The following BACH2 variants were observed in gnomAD, a reference collection of about 807,000 sequenced individuals.
BACH2 encodes the protein BACH transcriptional regulator 2.
A neutral mutation model predicts 61.8 loss-of-function variants in BACH2; 5 were observed. The observed-to-expected ratio is 0.08, with a 90% CI of 0.04 to 0.17. BACH2 has a LOEUF of 0.17. Among genes scored for constraint, BACH2 ranks in the 10% least tolerant of loss-of-function variants. The pLI, the probability that BACH2 is intolerant of heterozygous loss-of-function variation, is 1.00. For missense variants in BACH2, 824 were observed against 1,091.1 expected, an observed-to-expected ratio of 0.76 and a Z score of 3.45; for synonymous variants, 446 against 440.1, an observed-to-expected ratio of 1.01 and a Z score of -0.17.
At chr6:90,134,310 A>T (rs1295005033) in intron 4 of BACH2, among the ~76,000 whole-genome samples, 1 of 152,234 alleles carries the variant, frequency 6.6e-6, no homozygotes, top group Non-Finnish European at 1.5e-5. Flanking sequence ...CTTCAAACAC[A>T]TGACTTCGCT....
chr6:90,122,553 A>G (rs138252062), intron 4 of BACH2, among the ~76,000 whole-genome samples: 3 of 152,196 alleles, frequency 2.0e-5, no homozygotes, highest in Non-Finnish European at 4.4e-5. Flanking sequence ...TCAAAGTCCA[A>G]CTGAACACAA....
intron 4 of BACH2, among the ~76,000 whole-genome samples, chr6:90,197,220 C>T (rs904061580): frequency 2.6e-5 from 4 of 152,068 alleles, no homozygotes; most frequent in Non-Finnish European, 4.4e-5. Context: ...CGTTATAAGG[C>T]CTCTGTATCA....
At chr6:89,965,068 G>A (rs141619848) in intron 6 of BACH2, among the ~76,000 whole-genome samples, 20 of 152,190 alleles carry the variant, frequency 1.3e-4, no homozygotes, top group Non-Finnish European at 2.5e-4. Context: ...TGTATTTTTA[G>A]TAGAGAAGGG....
At chr6:90,072,341 C>T (rs925789962) in intron 5 of BACH2, among the ~76,000 whole-genome samples, 6 of 152,182 alleles carry the variant, frequency 3.9e-5, no homozygotes, top group Non-Finnish European at 8.8e-5. Flanking sequence ...CCAAAGGTCA[C>T]TCAGGGCCAC....
rs12664160 is a variant in BACH2 at position 89,971,382 on chromosome 6, G to A, written c.244-19520C>T. Among the ~76,000 whole-genome samples the A allele has an allele frequency of 2.2e-3, 328 of 152,266 alleles. 11 individuals carry two copies. The East Asian group carries it at 0.058, about 27-fold the overall frequency. On this transcript the variant is annotated intron_variant, in intron 6 of 8. Transcript: ENST00000257749. Reference sequence around the variant, plus strand: ...ATACAAATCACCTTATCCCTTTAACGAATGCATACTGACCACTTTGCATGG... The same window carrying A: ...ATACAAATCACCTTATCCCTTTAACAAATGCATACTGACCACTTTGCATGG...
intron 5 of BACH2, among the ~76,000 whole-genome samples, chr6:90,029,490 A>G (rs3857499): frequency 0.81 from 123,052 of 152,028 alleles, 50,472 homozygotes; most frequent in Non-Finnish European, 0.85. Flanking sequence ...CTCACTCTCC[A>G]TCCTCCCTCC....
chr6:90,062,366 T>C (rs1222756439), intron 5 of BACH2, among the ~76,000 whole-genome samples: 1 of 152,178 alleles, frequency 6.6e-6, no homozygotes, highest in African/African-American at 2.4e-5. Context: ...GATCTGAAAG[T>C]TGTTTGGGTA....
chr6:90,017,705 T>C (rs537081475), intron 5 of BACH2, among the ~76,000 whole-genome samples: 1 of 152,340 alleles, frequency 6.6e-6, no homozygotes, highest in Admixed American at 6.5e-5. Flanking sequence ...GTTCAATCTT[T>C]CTTCTAACTT....
At chr6:90,208,307 CT>C (rs902722089) in intron 3 of BACH2, among the ~76,000 whole-genome samples, 1 of 152,164 alleles carries the variant, frequency 6.6e-6, no homozygotes, top group African/African-American at 2.4e-5. Context: ...ATCTACCCAT[CT>C]GACAAAGGGC....
chr6:89,944,000 G>A (rs1489243231), intron 7 of BACH2, among the ~76,000 whole-genome samples: 1 of 152,252 alleles, frequency 6.6e-6, no homozygotes, highest in Non-Finnish European at 1.5e-5. Flanking sequence ...AGCCAGCTCA[G>A]TGCTGGGCAG....
chr6:90,194,960 C>T (rs1768705905), intron 4 of BACH2, among the ~76,000 whole-genome samples: 1 of 152,106 alleles, frequency 6.6e-6, no homozygotes, highest in Non-Finnish European at 1.5e-5. Flanking sequence ...TGTAAATGCC[C>T]TTTTTCTTGA....
At chr6:90,017,844 A>C (rs1778151588) in intron 5 of BACH2, among the ~76,000 whole-genome samples, 1 of 152,192 alleles carries the variant, frequency 6.6e-6, no homozygotes, top group Admixed American at 6.5e-5. Flanking sequence ...TTCTTTGCAT[A>C]ACTGAACATT....
At chr6:90,016,955 C>A (rs1051750853) in intron 5 of BACH2, among the ~76,000 whole-genome samples, 1 of 151,842 alleles carries the variant, frequency 6.6e-6, no homozygotes, top group African/African-American at 2.4e-5. Flanking sequence ...AGGACTTTTT[C>A]TTGATCACTT....
intron 5 of BACH2, among the ~76,000 whole-genome samples, chr6:90,018,750 A>G (rs1048630172): frequency 6.6e-6 from 1 of 152,214 alleles, no homozygotes; most frequent in Non-Finnish European, 1.5e-5. Flanking sequence ...TGGTATTCCA[A>G]TAAAAGATAA....
At chr6:90,044,719 T>G (rs1430512921) in intron 5 of BACH2, among the ~76,000 whole-genome samples, 1 of 151,964 alleles carries the variant, frequency 6.6e-6, no homozygotes, top group East Asian at 1.9e-4. Flanking sequence ...GCTGACGGGA[T>G]TTGCTAGTGG....
rs111245725 is a variant in BACH2 at position 90,018,204 on chromosome 6, A to C, written c.-12-9348T>G. Among the ~76,000 whole-genome samples the C allele has an allele frequency of 4.3e-4, 66 of 152,286 alleles. 1 individual carries two copies. Among genetic ancestry groups the C allele is most frequent in the African/African-American group, 1.4e-3 (57 of 41,548 alleles). On this transcript the variant is annotated intron_variant, in intron 5 of 8. Coordinates refer to ENST00000257749, the MANE Select transcript of BACH2 (RefSeq NM_021813.4). ...ATCCTTGGGTAGTTTTCTTACCTGC[A>C]TCTGCTGATCAGTACTCTGCAGAAT...
intron 4 of BACH2, among the ~76,000 whole-genome samples, chr6:90,113,643 C>T (rs1346151214): frequency 6.6e-6 from 1 of 151,888 alleles, no homozygotes; most frequent in Non-Finnish European, 1.5e-5. Context: ...TTAGAAAGAA[C>T]AACCCCAAAG....
intron 3 of BACH2, among the ~76,000 whole-genome samples, chr6:90,241,127 T>C (rs1770437472): frequency 7.5e-6 from 1 of 133,916 alleles, no homozygotes; most frequent in Admixed American, 7.8e-5. Context: ...AGAGCGAGAC[T>C]CCAACTCAAA....
At chr6:90,241,334 A>G (rs954988610) in intron 3 of BACH2, among the ~76,000 whole-genome samples, 1 of 152,258 alleles carries the variant, frequency 6.6e-6, no homozygotes, top group African/African-American at 2.4e-5. Flanking sequence ...TCACTTAAAT[A>G]GCACCTGGAC....
Sources: allele counts gnomAD v4.1 joint callset (sites outside exome capture counted in the v4.1 genomes callset), GRCh38; gene constraint gnomAD v4.1.1; transcripts MANE v1.5; gene names NCBI Gene and HGNC (gene_info 2026-07-23, HGNC 2026-07-21).